Variants in KCNIP3 observed in about 807,000 individuals in gnomAD.
The protein encoded by KCNIP3 is potassium voltage-gated channel interacting protein 3.
In KCNIP3, 28 loss-of-function variants were observed where a neutral mutation model predicts 35.0. The observed-to-expected ratio is 0.80, with a 90% confidence interval of 0.59 to 1.10. The LOEUF is 1.10. KCNIP3 is among the 50% of genes least tolerant of loss of function. The pLI is 0.00. For missense variants in KCNIP3, 295 were observed against 338.4 expected, an observed-to-expected ratio of 0.87 and a Z score of 1.01; for synonymous variants, 134 against 133.8, an observed-to-expected ratio of 1.00 and a Z score of -0.01.
At chr2:95,303,907 C>T (rs1218059421) in intron 1 of KCNIP3, among the ~76,000 whole-genome samples, 1 of 152,180 alleles carries the variant, frequency 6.6e-6, no homozygotes, top group Non-Finnish European at 1.5e-5. Flanking sequence ...ATTATTTTAA[C>T]CATATGTTTT....
chr2:95,335,387 T>C (rs957637789), intron 2 of KCNIP3, among the ~76,000 whole-genome samples: 1 of 152,264 alleles, frequency 6.6e-6, no homozygotes, highest in Non-Finnish European at 1.5e-5. Context: ...CTTTGAGCAA[T>C]AGCATTTGAA....
chr2:95,360,341 A>G (rs1343913510), intron 2 of KCNIP3, among the ~76,000 whole-genome samples: 1 of 152,062 alleles, frequency 6.6e-6, no homozygotes, highest in African/African-American at 2.4e-5. Context: ...CCTCATCACC[A>G]TCCATATTTC....
At chr2:95,318,263 A>T (rs1678506768) in intron 2 of KCNIP3, among the ~76,000 whole-genome samples, 1 of 152,074 alleles carries the variant, frequency 6.6e-6, no homozygotes, top group Non-Finnish European at 1.5e-5. Context: ...GCTGGGAGAG[A>T]GTGGGGTGGC....
chr2:95,384,229 G>C lies in KCNIP3; in HGVS notation c.*180G>C. ...ACAGCCATTCATCTGGGCTGGCAGAGGGGACAGAGTTCAGGGAGGGGCTGA... is the reference window on the plus strand; with the variant it reads ...ACAGCCATTCATCTGGGCTGGCAGACGGGACAGAGTTCAGGGAGGGGCTGA... On this transcript the variant is annotated 3_prime_UTR_variant, in exon 9 of 9. Coordinates refer to ENST00000295225, the MANE Select transcript of KCNIP3 (RefSeq NM_013434.5). 1 of 625,976 alleles carries C rather than the reference G, an allele frequency of 1.6e-6. No individual in the cohort carries two copies. Among genetic ancestry groups the C allele is most frequent in the South Asian group, 1.9e-5 (1 of 53,404 alleles). 38.8% of individuals were successfully genotyped at this position (625,976 alleles called of 1,614,324 possible).
chr2:95,349,322 G>A (rs371631482), intron 2 of KCNIP3, among the ~76,000 whole-genome samples: 3 of 152,218 alleles, frequency 2.0e-5, no homozygotes, highest in Non-Finnish European at 2.9e-5. Flanking sequence ...CCAAGTCTGC[G>A]TGTGTGCAGT....
At chr2:95,309,910 C>A (rs190285813) in intron 1 of KCNIP3, among the ~76,000 whole-genome samples, 3 of 152,360 alleles carry the variant, frequency 2.0e-5, no homozygotes, top group African/African-American at 4.8e-5. Flanking sequence ...TCAGGCAGAG[C>A]AGGGGCCCTG....
intron 2 of KCNIP3, among the ~76,000 whole-genome samples, chr2:95,340,531 G>A (rs560561178): frequency 6.6e-6 from 1 of 152,234 alleles, no homozygotes; most frequent in Non-Finnish European, 1.5e-5. Flanking sequence ...TTGGTGGCAA[G>A]CTGGCAGTCT....
intron 2 of KCNIP3, among the ~76,000 whole-genome samples, chr2:95,322,492 A>G (rs1218268853): frequency 1.3e-5 from 2 of 152,126 alleles, no homozygotes; most frequent in Admixed American, 6.6e-5. Context: ...CTGGGTCTCT[A>G]TGCATCTCAG....
chr2:95,316,157 C>T (rs989931991), intron 2 of KCNIP3, among the ~76,000 whole-genome samples: 4 of 152,230 alleles, frequency 2.6e-5, no homozygotes, highest in South Asian at 2.1e-4. Flanking sequence ...GCCATGGCCC[C>T]GTAGAGCATT....
Position 95,378,272 on chromosome 2 carries a change from GCCACCATGCC to G in KCNIP3, c.447+3066_447+3075del, listed in dbSNP as rs1387084149. Among the ~76,000 whole-genome samples the G allele has an allele frequency of 6.6e-6, 1 of 152,082 alleles. No homozygotes were observed. Among genetic ancestry groups the G allele is most frequent in the Admixed American group, 6.5e-5 (1 of 15,276 alleles). ...CGAGTACCTGGGACTGCGGGTGCAT[GCCACCATGCC>G]CAGCTAATTTTTTTATTTTAATTGT... On this transcript the variant is annotated intron_variant, in intron 5 of 8. Coordinates refer to ENST00000295225, the MANE Select transcript of KCNIP3 (RefSeq NM_013434.5). The surrounding 1 kb of genome is among the most constrained non-coding windows in gnomAD (Gnocchi z 4.0).
intron 2 of KCNIP3, among the ~76,000 whole-genome samples, chr2:95,362,430 C>T (rs983182701): frequency 6.6e-6 from 1 of 152,106 alleles, no homozygotes; most frequent in African/African-American, 2.4e-5. Flanking sequence ...TATAAGGCTA[C>T]CAATCTTATG....
At chr2:95,355,400 G>GT (rs1357928363) in intron 2 of KCNIP3, 2 of 152,104 alleles carry the variant, frequency 1.3e-5, no homozygotes, top group Non-Finnish European at 2.9e-5. Flanking sequence ...CAATGTGCAG[G>GT]TTTGATACAT....
chr2:95,329,622 G>A (rs1298773120), intron 2 of KCNIP3, among the ~76,000 whole-genome samples: 2 of 152,258 alleles, frequency 1.3e-5, no homozygotes, highest in Non-Finnish European at 2.9e-5. Context: ...CTCACACAGT[G>A]CTGGCCTGGC....
intron 2 of KCNIP3, among the ~76,000 whole-genome samples, chr2:95,315,197 G>A (rs1246074485): frequency 1.3e-5 from 2 of 152,202 alleles, no homozygotes; most frequent in African/African-American, 2.4e-5. Flanking sequence ...TCACTCCCAT[G>A]AGGATAATGG....
chr2:95,337,420 G>A (rs1679086433), intron 2 of KCNIP3, among the ~76,000 whole-genome samples: 1 of 152,008 alleles, frequency 6.6e-6, no homozygotes, highest in African/African-American at 2.4e-5. Context: ...AAGGGGGCGG[G>A]GGAGGGAATG....
chr2:95,329,273 T>C (rs1678869017), intron 2 of KCNIP3, among the ~76,000 whole-genome samples: 1 of 152,208 alleles, frequency 6.6e-6, no homozygotes, highest in Non-Finnish European at 1.5e-5. Flanking sequence ...AGCACTCCTA[T>C]GGAGAACATC....
chr2:95,338,910 G>A (rs1246856106), intron 2 of KCNIP3, among the ~76,000 whole-genome samples: 2 of 152,144 alleles, frequency 1.3e-5, no homozygotes, highest in South Asian at 2.1e-4. Flanking sequence ...ATGATCCCTC[G>A]AAGGCCCATC....
intron 2 of KCNIP3, among the ~76,000 whole-genome samples, chr2:95,349,093 C>CA (rs1558770727): frequency 2.6e-5 from 4 of 152,120 alleles, no homozygotes; most frequent in Non-Finnish European, 4.4e-5. Context: ...AGACACCCCC[C>CA]CCCGCCCCCC....
intron 2 of KCNIP3, among the ~76,000 whole-genome samples, chr2:95,367,367 T>C (rs1679941725): frequency 6.6e-6 from 1 of 152,240 alleles, no homozygotes; most frequent in Admixed American, 6.5e-5. Flanking sequence ...TCTGTCTTTC[T>C]AGATAAATTT....
Sources: gnomAD v4.1 joint callset for allele counts (sites outside exome capture counted in the v4.1 genomes callset) on GRCh38, gnomAD v4.1.1 for gene constraint, Gnocchi (gnomAD v3.1) non-coding constraint, MANE v1.5 for transcripts, NCBI Gene and HGNC (gene_info 2026-07-23, HGNC 2026-07-21) for gene names.